ADK: variants seen among roughly 807,000 people sequenced by gnomAD.
ADK encodes the protein N6,N6-dimethyladenosine kinase.
A neutral mutation model predicts 44.7 loss-of-function variants in ADK; 24 were observed. The observed-to-expected ratio is 0.54, with a 90% CI of 0.39 to 0.76. ADK has a LOEUF of 0.76. Among genes scored for constraint, ADK ranks in the 30% least tolerant of loss-of-function variants. The probability of loss-of-function intolerance (pLI) is 0.00; values close to 1 mark genes in which losing one functional copy is unlikely to be tolerated. For missense variants in ADK, 321 were observed against 425.1 expected, an observed-to-expected ratio of 0.76 and a Z score of 2.15; for synonymous variants, 128 against 142.6, an observed-to-expected ratio of 0.90 and a Z score of 0.73.
intron 4 of ADK, among the ~76,000 whole-genome samples, chr10:74,336,777 T>C (rs916315018): frequency 6.6e-6 from 1 of 152,186 alleles, no homozygotes; most frequent in South Asian, 2.1e-4. Context: ...TATCCTCCCA[T>C]ATACTTTAAA....
chr10:74,356,011 T>TTTG (rs1592093034), intron 4 of ADK, among the ~76,000 whole-genome samples: 1 of 130,148 alleles, frequency 7.7e-6, no homozygotes, highest in Non-Finnish European at 1.6e-5. Flanking sequence ...CATTTTTTTT[T>TTTG]TTTTTTTTTT....
chr10:74,477,978 A>G (rs1470297565), intron 6 of ADK, among the ~76,000 whole-genome samples: 1 of 152,188 alleles, frequency 6.6e-6, no homozygotes, highest in Non-Finnish European at 1.5e-5. Flanking sequence ...TTGTCTCTTC[A>G]TTTATACTTA....
intron 1 of ADK, among the ~76,000 whole-genome samples, chr10:74,165,416 C>T (rs557130877): frequency 7.9e-5 from 12 of 151,054 alleles, no homozygotes; most frequent in South Asian, 6.3e-4. Flanking sequence ...TATAACTTAC[C>T]GTTGCTCTAG....
At chr10:74,464,751 G>T (rs1027882423) in intron 6 of ADK, among the ~76,000 whole-genome samples, 5 of 152,004 alleles carry the variant, frequency 3.3e-5, no homozygotes. Flanking sequence ...TGGAAGCCAC[G>T]ATGGGTGGGT....
At chr10:74,183,202 T>C (rs1842626355) in intron 1 of ADK, among the ~76,000 whole-genome samples, 1 of 152,230 alleles carries the variant, frequency 6.6e-6, no homozygotes, top group Non-Finnish European at 1.5e-5. Context: ...CACAAAGTGC[T>C]GGGCCTCCCA....
intron 2 of ADK, among the ~76,000 whole-genome samples, chr10:74,213,556 G>A (rs767386734): frequency 1.3e-5 from 2 of 152,166 alleles, no homozygotes; most frequent in Non-Finnish European, 2.9e-5. Context: ...AGTAAAAGGA[G>A]TGGGCTGGAA....
intron 7 of ADK, among the ~76,000 whole-genome samples, chr10:74,577,782 T>G (rs574855018): frequency 6.6e-6 from 1 of 152,332 alleles, no homozygotes; most frequent in East Asian, 1.9e-4. Flanking sequence ...GTAGACCTTT[T>G]GTGATATGTT....
chr10:74,706,102 G>A (rs1015510486), intron 10 of ADK, among the ~76,000 whole-genome samples: 1 of 152,122 alleles, frequency 6.6e-6, no homozygotes, highest in African/African-American at 2.4e-5. Context: ...GGGAGGCCAA[G>A]GCGGGCAGAT....
At chr10:74,190,600 A>G (rs1842924419) in intron 1 of ADK, among the ~76,000 whole-genome samples, 2 of 152,288 alleles carry the variant, frequency 1.3e-5, no homozygotes, top group South Asian at 4.1e-4. Context: ...ACAAATAAAT[A>G]CCTTGGGGGA....
intron 9 of ADK, among the ~76,000 whole-genome samples, chr10:74,659,531 C>T (rs1320251743): frequency 6.6e-6 from 1 of 152,142 alleles, no homozygotes; most frequent in Non-Finnish European, 1.5e-5. Flanking sequence ...TTAAGTGAGA[C>T]CTGAATCTCC....
chr10:74,550,481 G>T (rs1014277916), intron 7 of ADK, among the ~76,000 whole-genome samples: 1 of 152,110 alleles, frequency 6.6e-6, no homozygotes, highest in Middle Eastern at 3.2e-3. Context: ...CACTTGCCCA[G>T]ATTATTACAG....
chr10:74,412,311 A>G (rs970401656), intron 6 of ADK, among the ~76,000 whole-genome samples: 3 of 151,868 alleles, frequency 2.0e-5, no homozygotes, highest in African/African-American at 7.3e-5. Flanking sequence ...CTCATCATTT[A>G]TTTTATTTTT....
At chr10:74,431,968 G>A (rs1195561874) in intron 6 of ADK, among the ~76,000 whole-genome samples, 1 of 152,114 alleles carries the variant, frequency 6.6e-6, no homozygotes, top group African/African-American at 2.4e-5. Flanking sequence ...CAAGGCGGGA[G>A]GATCCCTGAG....
intron 6 of ADK, among the ~76,000 whole-genome samples, chr10:74,496,757 C>A (rs1478165841): frequency 6.6e-6 from 1 of 152,180 alleles, no homozygotes; most frequent in Non-Finnish European, 1.5e-5. Context: ...GCGTGAACCA[C>A]CATGCCTAGC....
At chr10:74,660,501 G>A (rs892923882) in intron 9 of ADK, among the ~76,000 whole-genome samples, 1 of 152,026 alleles carries the variant, frequency 6.6e-6, no homozygotes, top group Non-Finnish European at 1.5e-5. Flanking sequence ...ACTTTGGGAG[G>A]CCAAGTTGGG....
intron 8 of ADK, among the ~76,000 whole-genome samples, chr10:74,599,084 C>G (rs1025130413): frequency 5.9e-5 from 9 of 152,170 alleles, no homozygotes; most frequent in Non-Finnish European, 1.3e-4. Flanking sequence ...GAGGGAATTT[C>G]TTCTCATCTT....
At chr10:74,233,572 A>G (rs1844858248) in intron 3 of ADK, among the ~76,000 whole-genome samples, 1 of 152,208 alleles carries the variant, frequency 6.6e-6, no homozygotes, top group Non-Finnish European at 1.5e-5. Flanking sequence ...ACATATCTTA[A>G]GCTGAAACCA....
chr10:74,329,584 G>A (rs925448252), intron 4 of ADK, among the ~76,000 whole-genome samples: 9 of 152,146 alleles, frequency 5.9e-5, no homozygotes, highest in Non-Finnish European at 1.0e-4. Context: ...TTTCAAATAA[G>A]GAAGAAGATT....
At chr10:74,337,871 TC>T (rs1198369032) in intron 4 of ADK, among the ~76,000 whole-genome samples, 1 of 151,814 alleles carries the variant, frequency 6.6e-6, no homozygotes, top group Non-Finnish European at 1.5e-5. Flanking sequence ...CAAGTGATTG[TC>T]ATGCCTCAGC....
Sources: gnomAD v4.1 joint callset for allele counts (sites outside exome capture counted in the v4.1 genomes callset) on GRCh38, gnomAD v4.1.1 for gene constraint, MANE v1.5 for transcripts, NCBI Gene and HGNC (gene_info 2026-07-23, HGNC 2026-07-21) for gene names.